FHIT: variants seen among roughly 807,000 people sequenced by gnomAD.
FHIT encodes the protein fragile histidine triad diadenosine triphosphatase.
A neutral mutation model predicts 17.9 loss-of-function variants in FHIT; 19 were observed. The ratio of observed to expected loss-of-function variants is 1.06; its 90% CI spans 0.74 to 1.56. FHIT has a LOEUF of 1.56. Among genes scored for constraint, FHIT ranks in the 40% most tolerant of loss-of-function variants. The probability of loss-of-function intolerance (pLI) is 0.00; values close to 1 mark genes in which losing one functional copy is unlikely to be tolerated. For synonymous variants in FHIT, 81 were observed against 69.7 expected (o/e 1.16, Z -0.81); for missense variants, 248 against 189.2 (o/e 1.31, Z -1.82).
chr3:60,327,995 A>C (rs1709781769), intron 5 of FHIT, among the ~76,000 whole-genome samples: 1 of 152,188 alleles, frequency 6.6e-6, no homozygotes, highest in Non-Finnish European at 1.5e-5. Flanking sequence ...GAGCTAAAAC[A>C]TGGAGGAAGG....
chr3:60,037,210 A>T (rs766945090), intron 5 of FHIT, among the ~76,000 whole-genome samples: 1 of 152,014 alleles, frequency 6.6e-6, no homozygotes, highest in Non-Finnish European at 1.5e-5. Flanking sequence ...TTTATCATGC[A>T]CTCTTTTTAT....
chr3:59,876,088 C>T (rs1703146486), intron 8 of FHIT, among the ~76,000 whole-genome samples: 2 of 151,824 alleles, frequency 1.3e-5, no homozygotes, highest in African/African-American at 2.4e-5. Flanking sequence ...GTGGGGACAC[C>T]TGGTAGATGT....
At chr3:59,912,913 G>C (rs748664154) in intron 8 of FHIT, among the ~76,000 whole-genome samples, 2 of 152,152 alleles carry the variant, frequency 1.3e-5, no homozygotes, top group Non-Finnish European at 2.9e-5. Flanking sequence ...ATACACTATA[G>C]GGCAAGCAAA....
chr3:60,418,414 A>ACACACACACCACAGACGAT (rs1702340582), intron 5 of FHIT, among the ~76,000 whole-genome samples: 1 of 58,620 alleles, frequency 1.7e-5, no homozygotes, highest in Admixed American at 2.2e-4. Flanking sequence ...ATATATATAT[A>ACACACACACCACAGACGAT]TATATATATA....
At chr3:60,804,457 T>C (rs1701311678) in intron 4 of FHIT, among the ~76,000 whole-genome samples, 1 of 152,174 alleles carries the variant, frequency 6.6e-6, no homozygotes, top group African/African-American at 2.4e-5. Context: ...AAATCCCAGC[T>C]CCACCATTCA....
At chr3:60,114,190 A>G (rs1704841133) in intron 5 of FHIT, among the ~76,000 whole-genome samples, 1 of 150,050 alleles carries the variant, frequency 6.7e-6, no homozygotes, top group Admixed American at 6.6e-5. Flanking sequence ...CAGACAAGGT[A>G]AACAGTATGA....
chr3:59,937,094 C>T (rs146103698), intron 7 of FHIT, among the ~76,000 whole-genome samples: 14 of 152,266 alleles, frequency 9.2e-5, no homozygotes, highest in African/African-American at 2.9e-4. Context: ...GATGGTGTCA[C>T]ACATTATTTT....
At chr3:60,562,094 A>G (rs943003805) in intron 4 of FHIT, among the ~76,000 whole-genome samples, 3 of 152,194 alleles carry the variant, frequency 2.0e-5, no homozygotes, top group African/African-American at 7.2e-5. Flanking sequence ...ACTATGTGCC[A>G]GACCCTGTGT....
At chr3:61,188,191 T>A (rs989203148) in intron 2 of FHIT, among the ~76,000 whole-genome samples, 15 of 152,104 alleles carry the variant, frequency 9.9e-5, no homozygotes, top group Middle Eastern at 3.4e-3. Context: ...CTAGCAAGAC[T>A]AATAAAGAAG....
intron 2 of FHIT, among the ~76,000 whole-genome samples, chr3:61,188,541 C>T (rs1344469456): frequency 1.3e-5 from 2 of 152,280 alleles, no homozygotes; most frequent in East Asian, 1.9e-4. Context: ...GAAACTATTC[C>T]AATCAATAGA....
chr3:60,918,727 AT>A, intron 3 of FHIT, among the ~76,000 whole-genome samples: 1 of 152,336 alleles, frequency 6.6e-6, no homozygotes, highest in African/African-American at 2.4e-5. Context: ...TTGGTGTTAC[AT>A]GGTCCACTGA....
At chr3:59,758,273 A>G (rs1701320485) in intron 8 of FHIT, among the ~76,000 whole-genome samples, 1 of 152,244 alleles carries the variant, frequency 6.6e-6, no homozygotes, top group African/African-American at 2.4e-5. Flanking sequence ...ACTTGTACCC[A>G]TGGTCAGCTT....
At chr3:60,218,470 C>T (rs1703801300) in intron 5 of FHIT, among the ~76,000 whole-genome samples, 1 of 152,120 alleles carries the variant, frequency 6.6e-6, no homozygotes, top group African/African-American at 2.4e-5. Flanking sequence ...ACATAGTTTA[C>T]AGCTTTAAAT....
chr3:59,800,865 G>A (rs1413970037), intron 8 of FHIT, among the ~76,000 whole-genome samples: 3 of 152,114 alleles, frequency 2.0e-5, no homozygotes, highest in Non-Finnish European at 4.4e-5. Context: ...GGTGAGAGAG[G>A]GAAGGGAAGA....
At chr3:60,910,732 T>G (rs1288371641) in intron 3 of FHIT, among the ~76,000 whole-genome samples, 1 of 152,040 alleles carries the variant, frequency 6.6e-6, no homozygotes, top group Non-Finnish European at 1.5e-5. Flanking sequence ...TCTAGCGATG[T>G]GTTCATATGG....
intron 5 of FHIT, among the ~76,000 whole-genome samples, chr3:60,060,566 T>C (rs1056063038): frequency 1.3e-5 from 2 of 152,246 alleles, no homozygotes; most frequent in Non-Finnish European, 2.9e-5. Context: ...CAGTTTCTCC[T>C]AAAAGTATAC....
At chr3:60,366,926 T>C (rs759413400) in intron 5 of FHIT, among the ~76,000 whole-genome samples, 6 of 152,214 alleles carry the variant, frequency 3.9e-5, no homozygotes, top group Admixed American at 6.5e-5. Flanking sequence ...TGTCAACTTA[T>C]ATAGGTTGAG....
chr3:59,994,434 G>T (rs1415718856), intron 7 of FHIT, among the ~76,000 whole-genome samples: 1 of 152,020 alleles, frequency 6.6e-6, no homozygotes, highest in Non-Finnish European at 1.5e-5. Flanking sequence ...TTCTGCCAAA[G>T]AACTCATTCT....
intron 3 of FHIT, among the ~76,000 whole-genome samples, chr3:60,882,438 C>G (rs1447194841): frequency 6.6e-6 from 1 of 152,044 alleles, no homozygotes; most frequent in Non-Finnish European, 1.5e-5. Flanking sequence ...AGGCCAAAAT[C>G]CCTGATGAAC....
Sources: allele counts gnomAD v4.1 joint callset (sites outside exome capture counted in the v4.1 genomes callset), GRCh38; gene constraint gnomAD v4.1.1; transcripts MANE v1.5; gene names NCBI Gene and HGNC (gene_info 2026-07-23, HGNC 2026-07-21).